MAMDC2: variants seen among roughly 807,000 people sequenced by gnomAD.
MAMDC2 encodes the protein MAM domain containing 2.
In MAMDC2, 57 loss-of-function variants were observed where a neutral mutation model predicts 89.8. The ratio of observed to expected loss-of-function variants is 0.63; its 90% confidence interval spans 0.51 to 0.79. MAMDC2 has a LOEUF of 0.79. Among genes scored for constraint, MAMDC2 ranks in the 30% least tolerant of loss-of-function variants. The probability of loss-of-function intolerance (pLI) is 0.00; values close to 1 mark genes in which losing one functional copy is unlikely to be tolerated. For synonymous variants in MAMDC2, 313 were observed against 293.4 expected (o/e 1.07, Z -0.68); for missense variants, 800 against 820.6 (o/e 0.97, Z 0.31).
chr9:70,101,338 TTA>T (rs1828189324), intron 2 of MAMDC2, among the ~76,000 whole-genome samples: 1 of 151,378 alleles, frequency 6.6e-6, no homozygotes, highest in African/African-American at 2.5e-5. Context: ...TAAACGAAGG[TTA>T]ATTCATTATT....
intron 2 of MAMDC2, among the ~76,000 whole-genome samples, chr9:70,093,586 C>T (rs1008637691): frequency 7.9e-5 from 12 of 151,832 alleles, no homozygotes; most frequent in Admixed American, 3.9e-4. Flanking sequence ...CCACCATGCC[C>T]GGCTAATTTT....
At chr9:70,071,321 C>T (rs540189942) in intron 2 of MAMDC2, among the ~76,000 whole-genome samples, 1 of 152,200 alleles carries the variant, frequency 6.6e-6, no homozygotes, top group East Asian at 1.9e-4. Flanking sequence ...GTGCTACAGC[C>T]CAGGGGTTCC....
At chr9:70,065,827 C>T (rs1449506113) in intron 2 of MAMDC2, among the ~76,000 whole-genome samples, 2 of 152,116 alleles carry the variant, frequency 1.3e-5, no homozygotes, top group African/African-American at 4.8e-5. Context: ...CCCTAATGAA[C>T]ATTTTCCCAT....
At chr9:70,150,235 T>A (rs943963558) in intron 9 of MAMDC2, among the ~76,000 whole-genome samples, 5 of 152,178 alleles carry the variant, frequency 3.3e-5, no homozygotes, top group African/African-American at 7.2e-5. Context: ...TTCTTGCCAT[T>A]GAGAAAGGAG....
intron 2 of MAMDC2, among the ~76,000 whole-genome samples, chr9:70,053,277 G>A (rs1303620859): frequency 6.6e-6 from 1 of 152,170 alleles, no homozygotes; most frequent in Non-Finnish European, 1.5e-5. Flanking sequence ...TGTTTTATGG[G>A]ATTCTGAGGC....
intron 5 of MAMDC2, among the ~76,000 whole-genome samples, chr9:70,121,288 C>T (rs1031317087): frequency 1.3e-5 from 2 of 152,322 alleles, no homozygotes; most frequent in Non-Finnish European, 1.5e-5. Flanking sequence ...AAGGAACAGA[C>T]AGCCTCTTCA....
intron 12 of MAMDC2, among the ~76,000 whole-genome samples, chr9:70,220,251 T>C (rs920927512): frequency 1.3e-5 from 2 of 152,178 alleles, no homozygotes; most frequent in Non-Finnish European, 2.9e-5. Flanking sequence ...TTGCATATAA[T>C]AGACTTACTG....
chr9:70,087,962 T>A (rs1249168713), intron 2 of MAMDC2, among the ~76,000 whole-genome samples: 1 of 152,180 alleles, frequency 6.6e-6, no homozygotes, highest in Non-Finnish European at 1.5e-5. Flanking sequence ...TTTCTTGATT[T>A]TTTTAAAAGG....
intron 11 of MAMDC2, among the ~76,000 whole-genome samples, chr9:70,189,753 C>CT (rs149574985): frequency 0.047 from 7,103 of 152,024 alleles, 198 homozygotes; most frequent in South Asian, 0.074. Flanking sequence ...TCACAGGTCT[C>CT]TGAGTCTCTG....
chr9:70,218,203 T>G (rs2033484300), intron 11 of MAMDC2, 134 bp from the exon 12 acceptor site: 1 of 943,626 alleles, frequency 1.1e-6, no homozygotes, highest in Non-Finnish European at 1.5e-6. Flanking sequence ...ATATGCATTC[T>G]TCAAAATTAT....
At chr9:70,046,360 C>A (rs1587420812) in intron 2 of MAMDC2, among the ~76,000 whole-genome samples, 1 of 152,248 alleles carries the variant, frequency 6.6e-6, no homozygotes, top group South Asian at 2.1e-4. Context: ...GGTGAAGGAG[C>A]TACTTGCAGG....
chr9:70,213,495 G>A (rs1413776702), intron 11 of MAMDC2, among the ~76,000 whole-genome samples: 1 of 152,126 alleles, frequency 6.6e-6, no homozygotes, highest in African/African-American at 2.4e-5. Context: ...GTGTAGGATA[G>A]CATTGGATTC....
intron 11 of MAMDC2, among the ~76,000 whole-genome samples, chr9:70,202,643 T>G (rs2033127269): frequency 6.9e-6 from 1 of 144,928 alleles, no homozygotes; most frequent in Admixed American, 6.9e-5. Flanking sequence ...CTGTCTAATG[T>G]TGACAGTGGG....
At chr9:70,155,810 T>C (rs2031741918) in intron 9 of MAMDC2, among the ~76,000 whole-genome samples, 1 of 152,230 alleles carries the variant, frequency 6.6e-6, no homozygotes, top group Non-Finnish European at 1.5e-5. Flanking sequence ...ATTGATCTTG[T>C]TGCAGAAATC....
rs115252323 is a variant in MAMDC2, at chr9:70,220,115, G to A, written c.1911+1519G>A. Reference sequence around the variant, plus strand: ...ACTAAATGAATCTAAATCTTTGGGGGTGACACCTGAGCACTGATTTTTTGT... The same window carrying A: ...ACTAAATGAATCTAAATCTTTGGGGATGACACCTGAGCACTGATTTTTTGT... On this transcript the variant is annotated intron_variant, in intron 12 of 13. Transcript: ENST00000377182. Among the ~76,000 whole-genome samples, 861 of 152,258 alleles carry A rather than the reference G, an allele frequency of 5.7e-3. 10 individuals are homozygous for A. Among genetic ancestry groups the A allele is most frequent in the African/African-American group, 0.02 (832 of 41,528 alleles).
At chr9:70,105,527 T>C (rs1828316569) in intron 2 of MAMDC2, among the ~76,000 whole-genome samples, 1 of 152,170 alleles carries the variant, frequency 6.6e-6, no homozygotes, top group South Asian at 2.1e-4. Flanking sequence ...GTAATGCTGC[T>C]AAGAGGCACG....
At chr9:70,049,192 C>T (rs1826830686) in intron 2 of MAMDC2, among the ~76,000 whole-genome samples, 1 of 151,676 alleles carries the variant, frequency 6.6e-6, no homozygotes, top group South Asian at 2.1e-4. Context: ...AGGTGGGCTA[C>T]AGGGTTGGGC....
At chr9:70,154,750 T>C (rs965826137) in intron 9 of MAMDC2, among the ~76,000 whole-genome samples, 6 of 151,484 alleles carry the variant, frequency 4.0e-5, no homozygotes, top group Admixed American at 1.3e-4. Flanking sequence ...GGCCTCAAGC[T>C]CTCCTCCCAC....
intron 2 of MAMDC2, among the ~76,000 whole-genome samples, chr9:70,107,801 C>T (rs1457731190): frequency 6.6e-6 from 1 of 152,202 alleles, no homozygotes; most frequent in African/African-American, 2.4e-5. Flanking sequence ...TCATGCCGCT[C>T]TTCTGATTCT....
Sources: gnomAD v4.1 joint callset for allele counts (sites outside exome capture counted in the v4.1 genomes callset) on GRCh38, gnomAD v4.1.1 for gene constraint, MANE v1.5 for transcripts, NCBI Gene and HGNC (gene_info 2026-07-23, HGNC 2026-07-21) for gene names.